TIAM1: variants seen among roughly 807,000 people sequenced by gnomAD.
TIAM1 encodes the protein TIAM Rac1 associated GEF 1.
Under a neutral mutation model 163.5 loss-of-function variants are expected in TIAM1, and 65 were observed. That is an observed-to-expected ratio of 0.40 (90% CI 0.33 to 0.49). The LOEUF is 0.49. Among genes scored for constraint, TIAM1 ranks in the 20% least tolerant of loss-of-function variants. The pLI is 0.77. For synonymous variants in TIAM1, 833 were observed against 810.1 expected, an observed-to-expected ratio of 1.03 and a Z score of -0.48; for missense variants, 1,789 against 2,044.7, an observed-to-expected ratio of 0.87 and a Z score of 2.41.
At chr21:31,329,109 A>G (rs1021290936) in intron 2 of TIAM1, among the ~76,000 whole-genome samples, 14 of 152,316 alleles carry the variant, frequency 9.2e-5, no homozygotes, top group Admixed American at 2.6e-4. Context: ...TTAAGCATCT[A>G]TGGATTTTGG....
intron 4 of TIAM1, among the ~76,000 whole-genome samples, chr21:31,265,786 T>A (rs1218375293): frequency 6.6e-6 from 1 of 151,614 alleles, no homozygotes; most frequent in Non-Finnish European, 1.5e-5. Flanking sequence ...ACATCGCCAC[T>A]CCCCCCACAC....
At chr21:31,537,628 T>C (rs2048181997) in intron 1 of TIAM1, among the ~76,000 whole-genome samples, 1 of 152,004 alleles carries the variant, frequency 6.6e-6, no homozygotes, top group African/African-American at 2.4e-5. Flanking sequence ...GGTGGATGCG[T>C]GTATTCCCAG....
intron 13 of TIAM1, 130 bp from the exon 14 acceptor site, chr21:31,187,217 T>C: frequency 1.2e-6 from 1 of 800,312 alleles, no homozygotes; most frequent in Non-Finnish European, 2.0e-6. Flanking sequence ...TTGTTTTTTC[T>C]TGTTTTACAT....
intron 1 of TIAM1, among the ~76,000 whole-genome samples, chr21:31,493,128 A>G (rs73343501): frequency 0.039 from 6,009 of 152,292 alleles, 268 homozygotes; most frequent in African/African-American, 0.11. Context: ...TCTGAGGGCC[A>G]ACTACATTCC....
chr21:31,449,531 A>C (rs570194878), intron 2 of TIAM1, among the ~76,000 whole-genome samples: 102 of 151,618 alleles, frequency 6.7e-4, no homozygotes, highest in African/African-American at 2.4e-3. Context: ...GTCATGCGCC[A>C]CCACACCCAG....
chr21:31,512,781 T>G (rs2047254959), intron 1 of TIAM1, among the ~76,000 whole-genome samples: 1 of 149,584 alleles, frequency 6.7e-6, no homozygotes, highest in Non-Finnish European at 1.5e-5. Flanking sequence ...CCATGCCTAG[T>G]TAGGTGTTTT....
At chr21:31,193,528 G>C (rs542833979) in intron 13 of TIAM1, among the ~76,000 whole-genome samples, 1 of 152,278 alleles carries the variant, frequency 6.6e-6, no homozygotes, top group African/African-American at 2.4e-5. Context: ...TGACTCCACT[G>C]AAACAGGGCC....
intron 2 of TIAM1, among the ~76,000 whole-genome samples, chr21:31,439,279 A>G (rs1602281389): frequency 1.3e-5 from 2 of 152,230 alleles, no homozygotes; most frequent in South Asian, 4.1e-4. Flanking sequence ...AAAGCATTGT[A>G]TTCTTTGTTT....
rs3055373 is a variant in TIAM1 at position 31,492,776 on chromosome 21, TACACACACACACACACACACACACAC to T, written c.-421-28767_-421-28742del. Among the ~76,000 whole-genome samples, 10 of 139,788 alleles carry T rather than the reference TACACACACACACACACACACACACAC, an allele frequency of 7.2e-5. No individual in the cohort carries two copies. The South Asian group carries it at 7.6e-4, about 11-fold the overall frequency. The allele number at this position is 139,788 out of a possible 152,430, so 91.7% of individuals were successfully genotyped here. On this transcript the variant is annotated intron_variant, in intron 1 of 28. Coordinates refer to the TIAM1 transcript ENST00000286827. ...GATTGAGACCTGAGATATTTTGGGT[TACACACACACACACACACACACACAC>T]ACACACACACACACACACACACGTT...
rs1428475988 is a variant in TIAM1, at chr21:31,141,620, G to C, written c.3476-116C>G. On this transcript the variant is annotated intron_variant, in intron 20 of 27. Coordinates refer to ENST00000541036, the MANE Select transcript of TIAM1 (RefSeq NM_001353694.2). This position sits in a 1 kb window ranked among gnomAD's most constrained non-coding sequence, Gnocchi z 4.7. The stretch of plus-strand genomic sequence containing the variant: ...GCCTTTTTGCAGGACTGAGCAGAGA[G>C]TGGGTGGCAGGAAGAGGGACAGGTA... 1.0e-5 allele frequency: 12 copies of C among 1,190,254 alleles called. No homozygotes were observed. The highest frequency in any genetic ancestry group is 1.5e-5 in the South Asian group (1 of 68,166). The allele number at this position is 1,190,254 out of a possible 1,614,324, so 73.7% of individuals were successfully genotyped here.
intron 19 of TIAM1, 124 bp from the exon 20 acceptor site, chr21:31,147,127 C>A: frequency 2.7e-6 from 2 of 741,464 alleles, no homozygotes; most frequent in Non-Finnish European, 2.3e-6. Context: ...CCGTGCCTGT[C>A]AGAGCCTTTC....
intron 2 of TIAM1, among the ~76,000 whole-genome samples, chr21:31,388,521 G>A (rs73356877): frequency 0.012 from 1,819 of 150,166 alleles, 27 homozygotes; most frequent in African/African-American, 0.042. Flanking sequence ...AGCCAAGCAT[G>A]GTGATGCACA....
At chr21:31,477,099 GCA>G (rs1388716828) in intron 1 of TIAM1, among the ~76,000 whole-genome samples, 1 of 152,140 alleles carries the variant, frequency 6.6e-6, no homozygotes, top group Non-Finnish European at 1.5e-5. Flanking sequence ...TTACGACTTA[GCA>G]AATAAGCAAT....
At chr21:31,285,776 G>A (rs1030979774) in intron 2 of TIAM1, among the ~76,000 whole-genome samples, 25 of 152,080 alleles carry the variant, frequency 1.6e-4, no homozygotes, top group African/African-American at 5.1e-4. Context: ...CAGGAGAATC[G>A]CTTGAACCCA....
At chr21:31,332,690 C>T (rs545484129) in intron 2 of TIAM1, among the ~76,000 whole-genome samples, 34 of 151,684 alleles carry the variant, frequency 2.2e-4, no homozygotes, top group African/African-American at 6.8e-4. Context: ...ACTGGAACCA[C>T]CCAGAGAAAA....
intron 2 of TIAM1, among the ~76,000 whole-genome samples, chr21:31,349,894 C>T (rs1320197644): frequency 1.3e-5 from 2 of 152,246 alleles, no homozygotes; most frequent in Admixed American, 1.3e-4. Context: ...CAATGGAATG[C>T]ATGGGTTAAC....
At chr21:31,293,158 C>CG (rs1288038843) in intron 2 of TIAM1, among the ~76,000 whole-genome samples, 1 of 148,384 alleles carries the variant, frequency 6.7e-6, no homozygotes, top group Non-Finnish European at 1.5e-5. Context: ...CATGCATTTG[C>CG]GGGGGCTGCC....
Position 31,135,939 on chromosome 21 carries a change from C to T in TIAM1, c.3877G>A (p.Ala1293Thr). 1.2e-6 allele frequency: 2 copies of T among 1,614,152 alleles called. No homozygotes were observed. The highest frequency in any genetic ancestry group is 1.7e-6 in the Non-Finnish European group (2 of 1,179,980). ...GKWKKEPELA[A>T]FVFKTAVVLV... ...ACGCTTTTCTGATACACACCGAATG[C>T]TGCCAACTCTGGTTCCTTTTTCCAC... The change falls in exon 23 of 28, where the codon GCA becomes ACA. Residue 1293 changes from alanine to threonine, a missense_variant. Ala to Thr is a moderately conservative substitution (Grantham distance 58). Coordinates refer to ENST00000541036, the MANE Select transcript of TIAM1 (RefSeq NM_001353694.2).
At chr21:31,423,150 G>A (rs1274054357) in intron 2 of TIAM1, among the ~76,000 whole-genome samples, 2 of 129,050 alleles carry the variant, frequency 1.5e-5, no homozygotes, top group African/African-American at 6.0e-5. Context: ...CCAGGCTGGA[G>A]TGCAGTGGCA....
Sources: gnomAD v4.1 joint callset for allele counts (sites outside exome capture counted in the v4.1 genomes callset) on GRCh38, gnomAD v4.1.1 for gene constraint, Gnocchi (gnomAD v3.1) non-coding constraint, MANE v1.5 for transcripts, NCBI Gene and HGNC (gene_info 2026-07-23, HGNC 2026-07-21) for gene names.